Variants in RORB observed in about 807,000 individuals in gnomAD.
RORB encodes RAR related orphan receptor B.
In RORB, 6 loss-of-function variants were observed where a neutral mutation model predicts 59.1. That is an observed-to-expected ratio of 0.10 (90% confidence interval 0.06 to 0.20). The LOEUF is 0.20. Among genes scored for constraint, RORB ranks in the 10% least tolerant of loss-of-function variants. RORB has a pLI of 1.00. For missense variants in RORB, 320 were observed against 560.5 expected, an observed-to-expected ratio of 0.57 and a Z score of 4.33; for synonymous variants, 215 against 204.5, an observed-to-expected ratio of 1.05 and a Z score of -0.44.
intron 1 of RORB, among the ~76,000 whole-genome samples, chr9:74,537,818 A>T (rs1262107884): frequency 1.3e-5 from 2 of 152,104 alleles, no homozygotes; most frequent in Non-Finnish European, 1.5e-5. Flanking sequence ...TCTCCTAGTT[A>T]TGTCATAGCA....
Position 74,597,661 on chromosome 9 carries a change from A to G in RORB, c.8-32621A>G, listed in dbSNP as rs547472462. Among the ~76,000 whole-genome samples the G allele has an allele frequency of 1.3e-3, 199 of 152,304 alleles. 2 individuals carry two copies. The highest frequency in any genetic ancestry group is 4.7e-3 in the African/African-American group (194 of 41,556). On this transcript the variant is annotated intron_variant, in intron 1 of 9. Transcript: ENST00000376896. Reference sequence around the variant, plus strand: ...AAAAAAAAGAAGGTAAAATATCTCAATAATTTTATATTGGTGGCTGGGCAT... The same window carrying G: ...AAAAAAAAGAAGGTAAAATATCTCAGTAATTTTATATTGGTGGCTGGGCAT...
intron 9 of RORB, among the ~76,000 whole-genome samples, chr9:74,681,891 A>T (rs1016990814): frequency 1.3e-5 from 2 of 152,226 alleles, no homozygotes; most frequent in Admixed American, 1.3e-4. Flanking sequence ...TAAGAAAATG[A>T]AAAATCAATA....
intron 1 of RORB, among the ~76,000 whole-genome samples, chr9:74,611,077 T>A (rs756818094): frequency 7.2e-5 from 11 of 152,184 alleles, no homozygotes; most frequent in Non-Finnish European, 1.6e-4. Flanking sequence ...TCTGTCCCCC[T>A]AGCATAATGT....
At chr9:74,611,372 T>C (rs1470921930) in intron 1 of RORB, among the ~76,000 whole-genome samples, 1 of 152,124 alleles carries the variant, frequency 6.6e-6, no homozygotes, top group African/African-American at 2.4e-5. Flanking sequence ...GAAGAGAAGA[T>C]TTTTGTTTCA....
In RORB at chr9:74,686,013, T is replaced by C. The variant is rs143713276; in HGVS notation, c.*395T>C. ...TTAAGAAAATTCCACTTAATAGGCT[T>C]ACCTATTTCTATGTTTTTAGGTAGT... is the stretch of plus-strand genomic sequence containing the variant. On this transcript the variant is annotated 3_prime_UTR_variant, in exon 10 of 10. Transcript: ENST00000376896. 749 of 154,514 alleles carry C rather than the reference T, an allele frequency of 4.8e-3. 7 individuals carry two copies. The highest frequency in any genetic ancestry group is 0.017 in the African/African-American group (689 of 41,616). 9.6% of individuals were successfully genotyped at this position (154,514 alleles called of 1,614,324 possible).
rs1822416517 is a variant in RORB, at chr9:74,562,904, C to T, written c.7+64921C>T. On this transcript the variant is annotated intron_variant, in intron 1 of 9. Coordinates refer to ENST00000376896, the MANE Select transcript of RORB (RefSeq NM_006914.4). Reference sequence around the variant, plus strand: ...TGTTTCATTCTTGTTCCCTTTCTCCCTCTCCCCCATCTAAAAATCATTTTA... The same window carrying T: ...TGTTTCATTCTTGTTCCCTTTCTCCTTCTCCCCCATCTAAAAATCATTTTA... 2.0e-5 allele frequency among the ~76,000 whole-genome samples: 3 copies of T among 152,144 alleles called. No homozygotes were observed. In the South Asian group the frequency reaches 6.2e-4, roughly 32 times the overall value.
At chr9:74,643,426 T>C (rs990379813) in intron 4 of RORB, among the ~76,000 whole-genome samples, 1 of 152,224 alleles carries the variant, frequency 6.6e-6, no homozygotes, top group Non-Finnish European at 1.5e-5. Flanking sequence ...AAGCTAGTCA[T>C]AGGCATGATT....
intron 1 of RORB, among the ~76,000 whole-genome samples, chr9:74,599,198 C>T (rs1823017343): frequency 1.3e-5 from 2 of 152,160 alleles, no homozygotes; most frequent in Admixed American, 1.3e-4. Flanking sequence ...ATTCTCCTCA[C>T]ACTTCACCCT....
intron 6 of RORB, among the ~76,000 whole-genome samples, chr9:74,664,870 G>A (rs1201123830): frequency 6.6e-6 from 1 of 152,224 alleles, no homozygotes; most frequent in Non-Finnish European, 1.5e-5. Context: ...CAAAACATGG[G>A]AAGCTATGCA....
chr9:74,578,642 A>G lies in RORB; in HGVS notation c.8-51640A>G, dbSNP rs180695119. On this transcript the variant is annotated intron_variant, in intron 1 of 9. Coordinates refer to ENST00000376896, the MANE Select transcript of RORB (RefSeq NM_006914.4). ...ATTGTGACATGAAATGCTGTAAAAG[A>G]TATTTTATTTTGAATTGTAAAGGTT... 2.0e-4 allele frequency among the ~76,000 whole-genome samples: 31 copies of G among 151,252 alleles called. No individual in the cohort carries two copies. The East Asian group carries it at 5.1e-3, about 25-fold the overall frequency.
chr9:74,533,109 C>T (rs897693354), intron 1 of RORB, among the ~76,000 whole-genome samples: 2 of 151,820 alleles, frequency 1.3e-5, no homozygotes, highest in African/African-American at 4.8e-5. Context: ...CATTACACCA[C>T]CTGCTTGGAC....
intron 1 of RORB, among the ~76,000 whole-genome samples, chr9:74,534,652 CTAACT>C (rs1158384188): frequency 6.6e-6 from 1 of 151,906 alleles, no homozygotes; most frequent in African/African-American, 2.4e-5. Flanking sequence ...ACCCTAGATG[CTAACT>C]TGAACCCCAG....
intron 1 of RORB, among the ~76,000 whole-genome samples, chr9:74,616,831 C>G (rs1010791006): frequency 2.0e-4 from 30 of 152,022 alleles, no homozygotes; most frequent in African/African-American, 7.2e-4. Flanking sequence ...TTTATGTGCA[C>G]ATACACACAC....
At chr9:74,573,607 T>C (rs1413487750) in intron 1 of RORB, among the ~76,000 whole-genome samples, 1 of 152,080 alleles carries the variant, frequency 6.6e-6, no homozygotes, top group Non-Finnish European at 1.5e-5. Flanking sequence ...TTACACTGCT[T>C]CAAAAACTCA....
rs1255360497 is a variant in RORB, at chr9:74,497,989, C to A, written c.7+6C>A. The A allele has an allele frequency of 1.2e-6, 2 of 1,610,498 alleles. No homozygotes were observed. Among genetic ancestry groups the A allele is most frequent in the African/African-American group, 1.3e-5 (1 of 74,890 alleles). Reference sequence around the variant, plus strand: ...GAGCGGCCACACCATGCGAGGTAAGCGAGTCTGCGGGCACCGAGGCTCCCC... The same window carrying A: ...GAGCGGCCACACCATGCGAGGTAAGAGAGTCTGCGGGCACCGAGGCTCCCC... On this transcript the variant is annotated splice_donor_region_variant and intron_variant, in intron 1 of 9. Coordinates refer to ENST00000376896, the MANE Select transcript of RORB (RefSeq NM_006914.4).
At chr9:74,675,238 C>G (rs2118556436) in intron 9 of RORB, among the ~76,000 whole-genome samples, 1 of 151,148 alleles carries the variant, frequency 6.6e-6, no homozygotes, top group East Asian at 1.9e-4. Context: ...TTAGATTTGG[C>G]TGGATCCTGG....
intron 1 of RORB, among the ~76,000 whole-genome samples, chr9:74,528,456 C>T (rs1324585079): frequency 2.0e-5 from 3 of 152,006 alleles, no homozygotes; most frequent in Non-Finnish European, 2.9e-5. Context: ...AGCAGCAGCT[C>T]TGGATGTTTG....
Position 74,542,462 on chromosome 9 carries a change from A to T in RORB, c.7+44479A>T, listed in dbSNP as rs142366930. Among the ~76,000 whole-genome samples, 569 of 152,334 alleles carry T rather than the reference A, an allele frequency of 3.7e-3. 1 individual carries two copies. The highest frequency in any genetic ancestry group is 7.2e-3 in the Non-Finnish European group (491 of 68,012). On this transcript the variant is annotated intron_variant, in intron 1 of 9. Coordinates refer to ENST00000376896, the MANE Select transcript of RORB (RefSeq NM_006914.4). ...TGAAGAGAGACTTAGTGAAGACATT[A>T]TCCTCAATGCAGCACAGAAAGGCAA...
Position 74,523,151 on chromosome 9 carries a change from A to G in RORB, c.7+25168A>G, listed in dbSNP as rs955410348. 5.3e-5 allele frequency among the ~76,000 whole-genome samples: 8 copies of G among 151,642 alleles called. No individual in the cohort carries two copies. The Admixed American group carries it at 5.3e-4, about 10-fold the overall frequency. On this transcript the variant is annotated intron_variant, in intron 1 of 9. Transcript: ENST00000376896. ...TTATGTTTTTCCCTTACATTTTCTT[A>G]CAAGTCTGTTTGTTTTCTGTCATTT...
Sources: gnomAD v4.1 joint callset for allele counts (sites outside exome capture counted in the v4.1 genomes callset) on GRCh38, gnomAD v4.1.1 for gene constraint, MANE v1.5 for transcripts, NCBI Gene and HGNC (gene_info 2026-07-23, HGNC 2026-07-21) for gene names.